Variants in KLHL13 observed in about 807,000 individuals in gnomAD.
KLHL13 encodes kelch like family member 13, also known as kelch-like protein 13.
Under a neutral mutation model 37.1 loss-of-function variants are expected in KLHL13, and 10 were observed. The observed-to-expected ratio is 0.27, with a 90% confidence interval of 0.17 to 0.46. The LOEUF is 0.46. Ranked by LOEUF, KLHL13 falls within the 20% of genes least tolerant of loss-of-function variation. The probability of loss-of-function intolerance (pLI) is 1.00; values close to 1 mark genes in which losing one functional copy is unlikely to be tolerated. For synonymous variants in KLHL13, 163 were observed against 181.2 expected (o/e 0.90, Z 0.81); for missense variants, 360 against 509.3 (o/e 0.71, Z 2.82).
intron 4 of KLHL13, among the ~76,000 whole-genome samples, chrX:117,918,500 T>C (rs1046012562): frequency 1.8e-5 from 2 of 111,539 alleles, no homozygotes; most frequent in Non-Finnish European, 3.8e-5. Context: ...CATAATGAGT[T>C]AGAAAATATA....
intron 1 of KLHL13, among the ~76,000 whole-genome samples, chrX:118,032,219 T>G (rs769881780): frequency 4.5e-5 from 5 of 111,314 alleles, no homozygotes; most frequent in Non-Finnish European, 7.5e-5. Context: ...CCAGGAAGCT[T>G]GAACTGGTTG....
chrX:117,981,665 G>A (rs1221186551), intron 1 of KLHL13, among the ~76,000 whole-genome samples: 1 of 111,311 alleles, frequency 9.0e-6, no homozygotes, highest in Non-Finnish European at 1.9e-5. Flanking sequence ...ACAGGGTCTA[G>A]GCATTTGTTT....
At chrX:118,050,491 T>G (rs777326970) in intron 1 of KLHL13, among the ~76,000 whole-genome samples, 2 of 111,706 alleles carry the variant, frequency 1.8e-5, no homozygotes, top group Non-Finnish European at 3.8e-5. Context: ...TTACAATTCT[T>G]ACTTATCTAT....
intron 1 of KLHL13, among the ~76,000 whole-genome samples, chrX:118,094,647 C>G (rs762628421): frequency 9.0e-6 from 1 of 110,840 alleles, no homozygotes; most frequent in East Asian, 2.9e-4. Flanking sequence ...AGAGAAAGGT[C>G]GGGTTACCCA....
At chrX:117,965,149 T>C (rs1280041034) in intron 1 of KLHL13, among the ~76,000 whole-genome samples, 1 of 111,895 alleles carries the variant, frequency 8.9e-6, no homozygotes, top group African/African-American at 3.3e-5. Context: ...TCTAGATCCC[T>C]GAGGAATGGC....
intron 1 of KLHL13, among the ~76,000 whole-genome samples, chrX:117,950,260 A>G (rs1342725174): frequency 1.8e-5 from 2 of 112,292 alleles, no homozygotes; most frequent in Non-Finnish European, 3.8e-5. Context: ...TGAGATCAGG[A>G]GTTCGAGACC....
intron 1 of KLHL13, among the ~76,000 whole-genome samples, chrX:118,030,719 G>C (rs1243285763): frequency 2.7e-5 from 3 of 111,874 alleles, no homozygotes; most frequent in Non-Finnish European, 3.8e-5. Context: ...CCTCTTGTGT[G>C]TTCTCTCTCT....
chrX:118,069,287 T>C lies in KLHL13; in HGVS notation c.-56+47221A>G, dbSNP rs141578184. Among the ~76,000 whole-genome samples the C allele has an allele frequency of 9.3e-3, 1,027 of 110,072 alleles. 9 individuals carry two copies. Among genetic ancestry groups the C allele is most frequent in the African/African-American group, 0.032 (956 of 30,220 alleles). ...GGAAATGACAGCTCCATGCACGTTA[T>C]TGCCCTGAAGACCTTCCAGTGAGAT... On this transcript the variant is annotated intron_variant, in intron 1 of 6. Transcript: ENST00000371882.
intron 1 of KLHL13, among the ~76,000 whole-genome samples, chrX:117,969,505 A>G (rs1009962638): frequency 1.8e-5 from 2 of 111,647 alleles, no homozygotes; most frequent in African/African-American, 6.5e-5. Flanking sequence ...TACACTGGCC[A>G]GGAGATCCTC....
chrX:117,976,928 G>C (rs1047479024), upstream of KLHL13, among the ~76,000 whole-genome samples: 12 of 111,996 alleles, frequency 1.1e-4, no homozygotes, highest in African/African-American at 3.9e-4. Context: ...ATTTTTCTCA[G>C]TACCCTCATT....
At chrX:117,960,866 C>CAAG (rs1412288530) in intron 1 of KLHL13, among the ~76,000 whole-genome samples, 2 of 111,843 alleles carry the variant, frequency 1.8e-5, no homozygotes, top group Non-Finnish European at 3.8e-5. Context: ...TGGAGTTATT[C>CAAG]TGAATGATTC....
intron 1 of KLHL13, among the ~76,000 whole-genome samples, chrX:117,966,443 A>C (rs1339322832): frequency 4.5e-5 from 5 of 111,379 alleles, no homozygotes; most frequent in Admixed American, 1.9e-4. Context: ...TTCCATGCGC[A>C]TGGGTAGGAA....
intron 1 of KLHL13, among the ~76,000 whole-genome samples, chrX:118,063,753 T>C (rs1437526890): frequency 9.0e-6 from 1 of 111,065 alleles, no homozygotes; most frequent in Non-Finnish European, 1.9e-5. Flanking sequence ...ATTCCTCTAT[T>C]TCAAAAAGGT....
At chrX:118,006,739 A>T (rs1184210532) in intron 1 of KLHL13, among the ~76,000 whole-genome samples, 1 of 111,759 alleles carries the variant, frequency 8.9e-6, no homozygotes, top group Non-Finnish European at 1.9e-5. Context: ...AAAAAGGAAG[A>T]AGAAAGAAAC....
chrX:118,006,012 T>C lies in KLHL13; in HGVS notation c.-55-60437A>G, dbSNP rs143788229. Among the ~76,000 whole-genome samples, 160 of 111,984 alleles carry C rather than the reference T, an allele frequency of 1.4e-3. 2 individuals are homozygous for C. Among genetic ancestry groups the C allele is most frequent in the African/African-American group, 5.1e-3 (156 of 30,847 alleles). On this transcript the variant is annotated intron_variant, in intron 1 of 6. Coordinates refer to the KLHL13 transcript ENST00000371882. Reference sequence around the variant, plus strand: ...GGATGTAGATGTGTCATTAAATATATGTTTAAGGCCATATAATACATCAGA... The same window carrying C: ...GGATGTAGATGTGTCATTAAATATACGTTTAAGGCCATATAATACATCAGA...
chrX:118,098,221 A>C (rs1027025851), intron 1 of KLHL13, among the ~76,000 whole-genome samples: 6 of 111,937 alleles, frequency 5.4e-5, no homozygotes, highest in African/African-American at 1.6e-4. Flanking sequence ...ATGAACTCAA[A>C]AAATTTACAG....
intron 1 of KLHL13, among the ~76,000 whole-genome samples, chrX:118,096,648 TG>T (rs2055209814): frequency 8.9e-6 from 1 of 111,842 alleles, no homozygotes; most frequent in East Asian, 2.8e-4. Flanking sequence ...TAGACCAATA[TG>T]CCTGATGAAC....
intron 1 of KLHL13, among the ~76,000 whole-genome samples, chrX:118,000,625 C>A (rs751352940): frequency 8.9e-6 from 1 of 111,754 alleles, no homozygotes; most frequent in Non-Finnish European, 1.9e-5. Flanking sequence ...TAAAAGGCAA[C>A]CCCTTATCCA....
At chrX:117,947,874 C>T (rs1196537783) in intron 1 of KLHL13, 1 of 111,938 alleles carries the variant, frequency 8.9e-6, no homozygotes, top group Non-Finnish European at 1.9e-5. Context: ...GGTAACACTT[C>T]TCTGCAAACC....
Sources: gnomAD v4.1 joint callset for allele counts (sites outside exome capture counted in the v4.1 genomes callset) on GRCh38, gnomAD v4.1.1 for gene constraint, MANE v1.5 for transcripts, NCBI Gene and HGNC (gene_info 2026-07-23, HGNC 2026-07-21) for gene names.